Variants in SLC35F4 observed in about 807,000 individuals in gnomAD.
SLC35F4 encodes the protein solute carrier family 35 member F4.
A neutral mutation model predicts 44.2 loss-of-function variants in SLC35F4; 24 were observed. The observed-to-expected ratio is 0.54, with a 90% CI of 0.39 to 0.76. The LOEUF (loss-of-function observed/expected upper bound fraction) is 0.76. SLC35F4 is among the 30% of genes least tolerant of loss of function. The probability of loss-of-function intolerance (pLI) is 0.00; values close to 1 mark genes in which losing one functional copy is unlikely to be tolerated. For synonymous variants in SLC35F4, 238 were observed against 223.6 expected (o/e 1.06, Z -0.57); for missense variants, 562 against 586.1 (o/e 0.96, Z 0.42).
At chr14:57,679,288 G>A (rs1054328249) in intron 1 of SLC35F4, among the ~76,000 whole-genome samples, 1 of 151,992 alleles carries the variant, frequency 6.6e-6, no homozygotes, top group Non-Finnish European at 1.5e-5. Flanking sequence ...GGTAAATAAT[G>A]AAATGAAGGC....
intron 1 of SLC35F4, among the ~76,000 whole-genome samples, chr14:57,723,025 G>A (rs192021159): frequency 3.9e-5 from 6 of 152,288 alleles, no homozygotes; most frequent in Admixed American, 3.3e-4. Flanking sequence ...ACTGTGCACT[G>A]GGGAAAAGGG....
intron 4 of SLC35F4, among the ~76,000 whole-genome samples, chr14:57,579,927 G>T (rs1284903805): frequency 6.6e-6 from 1 of 152,144 alleles, no homozygotes; most frequent in Non-Finnish European, 1.5e-5. Context: ...GGACAATATA[G>T]GAAAGCTTCC....
At chr14:57,736,602 A>G (rs549657010) in intron 1 of SLC35F4, among the ~76,000 whole-genome samples, 42 of 152,328 alleles carry the variant, frequency 2.8e-4, no homozygotes, top group African/African-American at 9.9e-4. Flanking sequence ...CTGATCAGCA[A>G]CAAGTGGATG....
intron 1 of SLC35F4, among the ~76,000 whole-genome samples, chr14:57,616,606 G>A (rs889993450): frequency 1.3e-5 from 2 of 152,182 alleles, no homozygotes; most frequent in African/African-American, 4.8e-5. Flanking sequence ...GGTCTTCCCA[G>A]CGCATTTGAG....
At chr14:57,950,381 T>C (rs1890113482) in intron 1 of SLC35F4, among the ~76,000 whole-genome samples, 1 of 152,106 alleles carries the variant, frequency 6.6e-6, no homozygotes, top group African/African-American at 2.4e-5. Flanking sequence ...GAAGCTGTGA[T>C]TGTATTTTAT....
At chr14:57,889,328 C>T (rs908652504) in intron 1 of SLC35F4, among the ~76,000 whole-genome samples, 1 of 152,218 alleles carries the variant, frequency 6.6e-6, no homozygotes, top group Non-Finnish European at 1.5e-5. Flanking sequence ...GAAGCACGAG[C>T]CATCTTGGCT....
intron 1 of SLC35F4, among the ~76,000 whole-genome samples, chr14:57,719,342 T>C (rs1566792513): frequency 6.6e-6 from 1 of 152,230 alleles, no homozygotes; most frequent in Non-Finnish European, 1.5e-5. Flanking sequence ...GGATTGTTTT[T>C]CCATTTCTGT....
At chr14:57,833,786 A>G (rs1420625538) in intron 1 of SLC35F4, among the ~76,000 whole-genome samples, 1 of 152,262 alleles carries the variant, frequency 6.6e-6, no homozygotes, top group African/African-American at 2.4e-5. Context: ...TATACCATGG[A>G]GACTGCAACT....
intron 1 of SLC35F4, among the ~76,000 whole-genome samples, chr14:57,913,347 T>C (rs7156300): frequency 0.069 from 10,534 of 152,204 alleles, 440 homozygotes; most frequent in Middle Eastern, 0.14. Context: ...TTATTCTTAC[T>C]TTTATCTTCT....
At chr14:57,774,958 C>T (rs1230071317) in intron 1 of SLC35F4, among the ~76,000 whole-genome samples, 8 of 152,290 alleles carry the variant, frequency 5.3e-5, no homozygotes, top group Non-Finnish European at 1.0e-4. Context: ...CACCACACCA[C>T]CATTGTCATT....
chr14:57,916,265 T>G (rs1028003133), intron 1 of SLC35F4, among the ~76,000 whole-genome samples: 8 of 152,178 alleles, frequency 5.3e-5, no homozygotes, highest in Admixed American at 5.2e-4. Flanking sequence ...AATCTATTGA[T>G]GAGGGCAGCG....
intron 1 of SLC35F4, among the ~76,000 whole-genome samples, chr14:57,711,340 T>C (rs866072500): frequency 6.6e-6 from 1 of 152,114 alleles, no homozygotes; most frequent in Non-Finnish European, 1.5e-5. Flanking sequence ...TAAGCCTCTT[T>C]CCTTTATAAA....
chr14:57,891,027 A>G (rs1169651323), intron 1 of SLC35F4, among the ~76,000 whole-genome samples: 1 of 152,174 alleles, frequency 6.6e-6, no homozygotes, highest in African/African-American at 2.4e-5. Context: ...GTTTAAGGTA[A>G]GGAAAAGTAA....
chr14:57,673,494 A>G (rs777307082), intron 1 of SLC35F4, among the ~76,000 whole-genome samples: 3 of 152,120 alleles, frequency 2.0e-5, no homozygotes, highest in Non-Finnish European at 2.9e-5. Flanking sequence ...GGTGATATGC[A>G]TATGTAATAA....
chr14:57,886,948 T>C (rs1296211175), intron 1 of SLC35F4, among the ~76,000 whole-genome samples: 2 of 152,174 alleles, frequency 1.3e-5, no homozygotes, highest in Non-Finnish European at 2.9e-5. Context: ...TTAAGACACC[T>C]AAGAGTAGCA....
chr14:57,977,706 G>T (rs2141099006), intron 1 of SLC35F4, among the ~76,000 whole-genome samples: 1 of 152,142 alleles, frequency 6.6e-6, no homozygotes, highest in East Asian at 1.9e-4. Flanking sequence ...TTTTCCTCCA[G>T]TCGCACCAAT....
chr14:57,580,218 T>A (rs183345975), intron 4 of SLC35F4, among the ~76,000 whole-genome samples: 281 of 152,316 alleles, frequency 1.8e-3, no homozygotes, highest in Middle Eastern at 6.8e-3. Context: ...AACTGTTTTC[T>A]TAAGAAAATC....
At chr14:57,800,701 G>A (rs796175121) in intron 1 of SLC35F4, among the ~76,000 whole-genome samples, 13 of 152,016 alleles carry the variant, frequency 8.6e-5, no homozygotes, top group African/African-American at 1.9e-4. Flanking sequence ...AAAATACAAC[G>A]CAAGAACATC....
At chr14:57,624,482 C>A (rs2072366802) in intron 1 of SLC35F4, among the ~76,000 whole-genome samples, 1 of 152,256 alleles carries the variant, frequency 6.6e-6, no homozygotes, top group East Asian at 1.9e-4. Context: ...GATACAACAA[C>A]CTGGGGGAGA....
Sources: allele counts gnomAD v4.1 joint callset (sites outside exome capture counted in the v4.1 genomes callset), GRCh38; gene constraint gnomAD v4.1.1; transcripts MANE v1.5; gene names NCBI Gene and HGNC (gene_info 2026-07-23, HGNC 2026-07-21).